Variants in DACH1 observed in about 807,000 individuals in gnomAD.
DACH1 encodes dachshund homolog 1.
DACH1 carries 12 observed loss-of-function variants against 54.2 expected under a neutral mutation model. That is an observed-to-expected ratio of 0.22 (90% confidence interval 0.14 to 0.36). The LOEUF is 0.36. DACH1 is among the 10% of genes least tolerant of loss of function. The probability of loss-of-function intolerance (pLI) is 1.00; values close to 1 mark genes in which losing one functional copy is unlikely to be tolerated. For synonymous variants in DACH1, 386 were observed against 366.2 expected, an observed-to-expected ratio of 1.05 and a Z score of -0.62; for missense variants, 805 against 929.8, an observed-to-expected ratio of 0.87 and a Z score of 1.75.
In DACH1 at chr13:71,542,145, T is replaced by C. The variant is rs192872832; in HGVS notation, c.1570+14879A>G. Among the ~76,000 whole-genome samples the C allele has an allele frequency of 2.9e-3, 446 of 151,690 alleles. 4 individuals are homozygous for C. Among genetic ancestry groups the C allele is most frequent in the Admixed American group, 4.6e-3 (70 of 15,178 alleles). On this transcript the variant is annotated intron_variant, in intron 6 of 10. Transcript: ENST00000613252. ...GGCACCTGTAATCCCAGCTACTTAG[T>C]AGGCTGAGGGAGGAGAATCTCTTGA...
chr13:71,458,149 T>C (rs1457593026), intron 10 of DACH1, among the ~76,000 whole-genome samples: 1 of 151,922 alleles, frequency 6.6e-6, no homozygotes. Flanking sequence ...ATACCTTTTA[T>C]GTAATGTGTA....
chr13:71,676,733 A>G (rs1880599308), intron 2 of DACH1, among the ~76,000 whole-genome samples: 1 of 152,190 alleles, frequency 6.6e-6, no homozygotes, highest in Non-Finnish European at 1.5e-5. Flanking sequence ...GAATGTTTCA[A>G]TGGGATTAAT....
chr13:71,865,823 C>CG, intron 1 of DACH1, 99 bp downstream of exon 1: 2 of 1,325,970 alleles, frequency 1.5e-6, no homozygotes, highest in Middle Eastern at 5.4e-4. Context: ...GCGCGGCTCG[C>CG]GGGCGCGCAG....
chr13:71,638,010 T>C (rs564391613), intron 2 of DACH1, among the ~76,000 whole-genome samples: 6 of 152,336 alleles, frequency 3.9e-5, no homozygotes, highest in African/African-American at 1.4e-4. Flanking sequence ...TTGCATTCCA[T>C]ATAAAATGCA....
At chr13:71,834,233 C>T (rs529291840) in intron 1 of DACH1, among the ~76,000 whole-genome samples, 3 of 152,062 alleles carry the variant, frequency 2.0e-5, no homozygotes, top group Non-Finnish European at 2.9e-5. Flanking sequence ...CACATTTGTG[C>T]CATGTTTTTA....
intron 1 of DACH1, among the ~76,000 whole-genome samples, chr13:71,750,651 T>C (rs1403508467): frequency 1.3e-5 from 2 of 152,230 alleles, no homozygotes; most frequent in Non-Finnish European, 2.9e-5. Context: ...CTACCATGCA[T>C]GGCTTTTTGA....
At chr13:71,861,946 A>AAATGTTTT (rs1375083713) in intron 1 of DACH1, among the ~76,000 whole-genome samples, 4 of 151,346 alleles carry the variant, frequency 2.6e-5, no homozygotes, top group African/African-American at 9.7e-5. Flanking sequence ...AAGAGTTGGA[A>AAATGTTTT]AATGTTTTGT....
chr13:71,617,921 C>T lies in DACH1; in HGVS notation c.1126+12635G>A, dbSNP rs577798640. ...CAGTAGCCTTTTAAAATAATTTCTG[C>T]GTTCAATGTTACTTGTTTTGGTCTG... On this transcript the variant is annotated intron_variant, in intron 3 of 10. Coordinates refer to ENST00000613252, the MANE Select transcript of DACH1 (RefSeq NM_080759.6). 3.9e-5 allele frequency among the ~76,000 whole-genome samples: 6 copies of T among 152,106 alleles called. No homozygotes were observed. The South Asian group carries it at 6.2e-4, about 16-fold the overall frequency.
At position 71,528,576 on chromosome 13, in the gene DACH1, T is replaced by C. The variant is rs34048840; in HGVS notation, c.1570+28448A>G. 5.5e-3 allele frequency among the ~76,000 whole-genome samples: 841 copies of C among 151,976 alleles called. 3 individuals carry two copies. Among genetic ancestry groups the C allele is most frequent in the Non-Finnish European group, 9.9e-3 (674 of 67,928 alleles). ...CCGAGTAGCTGGGACTACAGGCGCC[T>C]GCCACCACGCCCGGCTAATGTTTCT... On this transcript the variant is annotated intron_variant, in intron 6 of 10. Coordinates refer to ENST00000613252, the MANE Select transcript of DACH1 (RefSeq NM_080759.6).
chr13:71,510,343 TG>T (rs1880681194), intron 6 of DACH1, among the ~76,000 whole-genome samples: 1 of 152,036 alleles, frequency 6.6e-6, no homozygotes, highest in Admixed American at 6.6e-5. Context: ...ACCTTTTGCC[TG>T]AAGTGCCCTC....
intron 9 of DACH1, 35 bp downstream of exon 9, chr13:71,475,671 G>T (rs564746620): frequency 1.3e-6 from 2 of 1,580,336 alleles, no homozygotes; most frequent in East Asian, 2.3e-5. Flanking sequence ...CATTAAAAAT[G>T]ACAGTTATTC....
chr13:71,618,157 C>T (rs1451544570), intron 3 of DACH1, among the ~76,000 whole-genome samples: 2 of 152,224 alleles, frequency 1.3e-5, no homozygotes, highest in Admixed American at 6.5e-5. Context: ...ACCCCTTGCT[C>T]ATCCATAACT....
intron 1 of DACH1, among the ~76,000 whole-genome samples, chr13:71,779,997 T>TGAAG (rs200586971): frequency 2.6e-5 from 4 of 152,000 alleles, no homozygotes; most frequent in African/African-American, 9.6e-5. Flanking sequence ...AAACATCCTA[T>TGAAG]GAAGGAAGGA....
At position 71,794,843 on chromosome 13, in the gene DACH1, G is replaced by A. The variant is rs550850702; in HGVS notation, c.848+71079C>T. Among the ~76,000 whole-genome samples, 8 of 152,250 alleles carry A rather than the reference G, an allele frequency of 5.3e-5. No homozygotes were observed. In the East Asian group the frequency reaches 1.2e-3, roughly 22 times the overall value. ...ATCTTAGTTTCCTGTCATTTTAACTGAAAGGTAAAAACAAAAAACTAATGC... is the reference window on the plus strand; with the variant it reads ...ATCTTAGTTTCCTGTCATTTTAACTAAAAGGTAAAAACAAAAAACTAATGC... On this transcript the variant is annotated intron_variant, in intron 1 of 10. Coordinates refer to ENST00000613252, the MANE Select transcript of DACH1 (RefSeq NM_080759.6).
At chr13:71,777,984 G>T (rs1338008784) in intron 1 of DACH1, among the ~76,000 whole-genome samples, 1 of 151,728 alleles carries the variant, frequency 6.6e-6, no homozygotes, top group African/African-American at 2.4e-5. Context: ...GGTAGTAAGG[G>T]GTTGTGCCTA....
intron 2 of DACH1, among the ~76,000 whole-genome samples, chr13:71,677,038 T>C (rs1007759769): frequency 6.6e-6 from 1 of 152,212 alleles, no homozygotes; most frequent in Non-Finnish European, 1.5e-5. Context: ...GAAAATTGTA[T>C]TTCAAAATTA....
intron 6 of DACH1, among the ~76,000 whole-genome samples, chr13:71,507,865 GTTAATA>G (rs1880457225): frequency 6.6e-6 from 1 of 152,106 alleles, no homozygotes; most frequent in Non-Finnish European, 1.5e-5. Flanking sequence ...TCCTGCCAAT[GTTAATA>G]TATTTTCTAA....
At chr13:71,805,544 A>G (rs576057288) in intron 1 of DACH1, among the ~76,000 whole-genome samples, 16 of 152,306 alleles carry the variant, frequency 1.1e-4, no homozygotes, top group East Asian at 3.9e-4. Flanking sequence ...AATAAAATTA[A>G]ACCCACCAGC....
chr13:71,774,614 A>G (rs1885988730), intron 1 of DACH1, among the ~76,000 whole-genome samples: 1 of 152,134 alleles, frequency 6.6e-6, no homozygotes, highest in Non-Finnish European at 1.5e-5. Flanking sequence ...TGCTTTACAG[A>G]TGTGGAAACG....
Sources: gnomAD v4.1 joint callset for allele counts (sites outside exome capture counted in the v4.1 genomes callset) on GRCh38, gnomAD v4.1.1 for gene constraint, MANE v1.5 for transcripts, NCBI Gene and HGNC (gene_info 2026-07-23, HGNC 2026-07-21) for gene names.